OTOF: variants seen among roughly 807,000 people sequenced by gnomAD.
The protein encoded by OTOF is otoferlin, also known as fer-1-like family member 2.
A neutral mutation model predicts 236.8 loss-of-function variants in OTOF; 218 were observed. The observed-to-expected ratio is 0.92, with a 90% CI of 0.82 to 1.03. The LOEUF (loss-of-function observed/expected upper bound fraction) is 1.03, where lower values mean the gene tolerates loss of function less well. OTOF is among the 50% of genes least tolerant of loss of function. OTOF has a pLI of 0.00. For missense variants in OTOF, 2,590 were observed against 2,694.4 expected, an observed-to-expected ratio of 0.96 and a Z score of 0.86; for synonymous variants, 1,041 against 1,072.5, an observed-to-expected ratio of 0.97 and a Z score of 0.57.
chr2:26,527,899 T>TGGCCACC lies in OTOF; in HGVS notation c.153_159dup (p.Ser54GlyfsTer9), dbSNP rs759366568. On this transcript the variant is annotated frameshift_variant, in exon 3 of 47. Transcript: ENST00000272371. LOFTEE classifies it high-confidence loss of function. ...AGCATCTCATTTCTGTCGATGCTGC[T>TGGCCACC]GGCCACCGGCCACCGAAATGTCTGG... 21 of 1,613,938 alleles carry TGGCCACC rather than the reference T, an allele frequency of 1.3e-5. No individual in the cohort carries two copies. In the African/African-American group the frequency reaches 2.7e-4, roughly 21 times the overall value.
intron 3 of OTOF, among the ~76,000 whole-genome samples, chr2:26,526,612 G>A (rs1666811566): frequency 6.6e-6 from 1 of 152,192 alleles, no homozygotes; most frequent in South Asian, 2.1e-4. Context: ...TTTCCTCCTG[G>A]AAACTATAGG....
intron 5 of OTOF, among the ~76,000 whole-genome samples, chr2:26,513,606 C>G (rs1183800862): frequency 1.3e-5 from 2 of 152,218 alleles, no homozygotes; most frequent in Non-Finnish European, 2.9e-5. Flanking sequence ...CTGCTGCTTG[C>G]CAGCAACGGG....
intron 1 of OTOF, among the ~76,000 whole-genome samples, chr2:26,542,117 C>G (rs1317951902): frequency 6.6e-6 from 1 of 152,252 alleles, no homozygotes; most frequent in African/African-American, 2.4e-5. Flanking sequence ...GTTTCAGAAG[C>G]AGGATGCCAT....
chr2:26,481,818 T>C (rs1161350271), intron 14 of OTOF, among the ~76,000 whole-genome samples: 1 of 152,186 alleles, frequency 6.6e-6, no homozygotes, highest in Non-Finnish European at 1.5e-5. Context: ...ATTTGCCGGA[T>C]GTTTCACATA....
intron 2 of OTOF, among the ~76,000 whole-genome samples, chr2:26,533,767 G>A (rs1435831965): frequency 2.0e-5 from 3 of 152,124 alleles, no homozygotes; most frequent in African/African-American, 7.2e-5. Context: ...CAGTCCTAGT[G>A]AACGTCACTG....
intron 1 of OTOF, among the ~76,000 whole-genome samples, chr2:26,555,465 A>G (rs2148140261): frequency 6.6e-6 from 1 of 152,374 alleles, no homozygotes; most frequent in Middle Eastern, 3.4e-3. Flanking sequence ...GGGCAGCACC[A>G]GCTTAGGAGC....
In OTOF at chr2:26,474,109, A is replaced by G. The variant is rs764162969; in HGVS notation, c.3290T>C (p.Ile1097Thr). The stretch of plus-strand genomic sequence containing the variant: ...CAGGTCAGCCTTCCCTGCTGGTCCA[A>G]TCTGGGGAATGGGGGTCACAGGTCA... The part of the protein sequence containing the change: ...DLLAAFELLQ[I>T]GPAGKADLPP... The change falls in exon 27 of 47, where the codon ATT (isoleucine) becomes ACT (threonine). Residue 1097 changes from isoleucine (I) to threonine (T), a missense_variant and splice_region_variant. By Grantham distance (89) the Ile-to-Thr change is moderately conservative. Around this residue, in one of 2 missense-constraint regions of OTOF, gnomAD observed 1,211 missense variants for 1,352.8 expected, o/e 0.90. Coordinates refer to ENST00000272371, the MANE Select transcript of OTOF (RefSeq NM_194248.3). 22 of 1,612,710 alleles carry G rather than the reference A, an allele frequency of 1.4e-5. No homozygotes were observed. Among genetic ancestry groups the G allele is most frequent in the Non-Finnish European group, 1.8e-5 (21 of 1,179,828 alleles).
chr2:26,461,659 C>G lies in OTOF; in HGVS notation c.5533+37G>C. On this transcript the variant is annotated intron_variant, in intron 43 of 46. Coordinates refer to ENST00000272371, the MANE Select transcript of OTOF (RefSeq NM_194248.3). This position sits in a 1 kb window ranked among gnomAD's most constrained non-coding sequence, Gnocchi z 6.2. ...ACCCGGCCCCTGCCTCTTCTCAGTT[C>G]TGGATCCTGAACCCCCATCCCTGCC... is the stretch of plus-strand genomic sequence containing the variant. 1 of 1,612,114 alleles carries G rather than the reference C, an allele frequency of 6.2e-7. No homozygotes were observed. The highest frequency in any genetic ancestry group is 8.5e-7 in the Non-Finnish European group (1 of 1,179,958).
intron 1 of OTOF, among the ~76,000 whole-genome samples, chr2:26,542,550 C>T (rs549498773): frequency 6.6e-6 from 1 of 152,202 alleles, no homozygotes; most frequent in South Asian, 2.1e-4. Context: ...TGCAGAGGCA[C>T]ACGCATTGAC....
chr2:26,472,254 T>G (rs1015825532), intron 30 of OTOF: 13 of 508,612 alleles, frequency 2.6e-5, no homozygotes, highest in African/African-American at 2.0e-4. Flanking sequence ...ATACATCACA[T>G]GCATGCACAC....
At chr2:26,522,486 G>T in intron 3 of OTOF, among the ~76,000 whole-genome samples, 1 of 152,170 alleles carries the variant, frequency 6.6e-6, no homozygotes, top group East Asian at 1.9e-4. Flanking sequence ...TGGCCCTTGT[G>T]GTGACCCCAG....
intron 9 of OTOF, among the ~76,000 whole-genome samples, chr2:26,492,835 C>G (rs1287056783): frequency 1.3e-5 from 2 of 152,206 alleles, no homozygotes; most frequent in Admixed American, 6.5e-5. Flanking sequence ...TGCTCAGTAG[C>G]AAGAACATTT....
intron 5 of OTOF, among the ~76,000 whole-genome samples, chr2:26,516,189 C>A (rs2148097854): frequency 1.3e-5 from 2 of 152,334 alleles, no homozygotes; most frequent in East Asian, 1.9e-4. Flanking sequence ...GAGGCCTTGG[C>A]CTTGCAGCTC....
Position 26,479,355 on chromosome 2 carries a change from C to T in OTOF, c.2123G>A (p.Arg708Gln), listed in dbSNP as rs145019640. 2,098 of 1,612,784 alleles carry T rather than the reference C, an allele frequency of 1.3e-3. 5 individuals carry two copies. Among genetic ancestry groups the T allele is most frequent in the South Asian group, 1.6e-3 (145 of 91,012 alleles). Reference sequence around the variant, plus strand: ...GCTCTTGATGTAGATGCAGGGCTTTCGCTCCAGGTAGGGCAGATGGAAGTA... The same window carrying T: ...GCTCTTGATGTAGATGCAGGGCTTTTGCTCCAGGTAGGGCAGATGGAAGTA... ...RNYFHLPYLE[R>Q]KPCIYIKSWW... The change falls in exon 18 of 47, where the codon CGA (arginine) becomes CAA (glutamine). Residue 708 changes from arginine to glutamine, a missense_variant. Around this residue, in one of 2 missense-constraint regions of OTOF, gnomAD observed 1,379 missense variants for 1,341.6 expected, o/e 1.03. Transcript: ENST00000272371.
At chr2:26,530,033 C>T (rs1337531486) in intron 2 of OTOF, among the ~76,000 whole-genome samples, 1 of 137,966 alleles carries the variant, frequency 7.2e-6, no homozygotes, top group East Asian at 2.0e-4. Context: ...CCCAGGAAGG[C>T]CCAGCTCATC....
intron 5 of OTOF, among the ~76,000 whole-genome samples, chr2:26,511,138 ACCCTGCTCCTCTGCCCACCGGCTC>A (rs1384503273): frequency 6.6e-6 from 1 of 152,064 alleles, no homozygotes; most frequent in Non-Finnish European, 1.5e-5. Flanking sequence ...GGCCTGGGCC[ACCCTGCTCCTCTGCCCACCGGCTC>A]CCCTGCTCCC....
At chr2:26,514,989 C>T (rs920684575) in intron 5 of OTOF, among the ~76,000 whole-genome samples, 2 of 152,232 alleles carry the variant, frequency 1.3e-5, no homozygotes, top group African/African-American at 2.4e-5. Context: ...CTCACAATTT[C>T]CAACCCGATT....
intron 5 of OTOF, among the ~76,000 whole-genome samples, chr2:26,515,736 A>G (rs986934325): frequency 4.6e-5 from 7 of 152,184 alleles, no homozygotes; most frequent in Non-Finnish European, 8.8e-5. Context: ...TTAGGAACCC[A>G]TGGACAACAT....
intron 2 of OTOF, among the ~76,000 whole-genome samples, chr2:26,529,291 A>G (rs1666884183): frequency 6.6e-6 from 1 of 152,180 alleles, no homozygotes; most frequent in Non-Finnish European, 1.5e-5. Flanking sequence ...GTGACTTTTT[A>G]TTTTTTAGTT....
Sources: gnomAD v4.1 joint callset for allele counts (sites outside exome capture counted in the v4.1 genomes callset) on GRCh38, gnomAD v4.1.1 for gene constraint, gnomAD v4.1.1 regional missense constraint, Gnocchi (gnomAD v3.1) non-coding constraint, MANE v1.5 for transcripts, NCBI Gene and HGNC (gene_info 2026-07-23, HGNC 2026-07-21) for gene names.